Variants in PRKD1 observed in about 807,000 individuals in gnomAD.
PRKD1 encodes the protein serine/threonine-protein kinase D1.
In PRKD1, 63 loss-of-function variants were observed where a neutral mutation model predicts 95.9. The observed-to-expected ratio is 0.66, with a 90% CI of 0.54 to 0.81. The LOEUF is 0.81. Among genes scored for constraint, PRKD1 ranks in the 30% least tolerant of loss-of-function variants. The pLI, the probability that PRKD1 is intolerant of heterozygous loss-of-function variation, is 0.00. For missense variants in PRKD1, 1,048 were observed against 1,165.3 expected (o/e 0.90, Z 1.47); for synonymous variants, 425 against 423.1 (o/e 1.00, Z -0.05).
intron 1 of PRKD1, among the ~76,000 whole-genome samples, chr14:29,798,881 T>C (rs1223760256): frequency 1.3e-5 from 2 of 152,210 alleles, no homozygotes; most frequent in Admixed American, 1.3e-4. Context: ...TTCTTTTCTG[T>C]TAAATAATAA....
chr14:29,716,632 T>C (rs1315907714), intron 2 of PRKD1, among the ~76,000 whole-genome samples: 1 of 151,946 alleles, frequency 6.6e-6, no homozygotes, highest in Non-Finnish European at 1.5e-5. Flanking sequence ...AAAAAGACAA[T>C]GAATAAATTG....
At chr14:29,768,905 A>C (rs1464624020) in intron 1 of PRKD1, among the ~76,000 whole-genome samples, 1 of 152,074 alleles carries the variant, frequency 6.6e-6, no homozygotes, top group African/African-American at 2.4e-5. Context: ...GCTTCTCAGG[A>C]CTAGCATGAT....
At chr14:29,734,028 C>CCTTTT (rs1886588304) in intron 1 of PRKD1, among the ~76,000 whole-genome samples, 1 of 64,640 alleles carries the variant, frequency 1.5e-5, no homozygotes, top group African/African-American at 7.9e-5. Context: ...ACTTTCCTGC[C>CCTTTT]TTTTTTTTTT....
chr14:29,741,534 G>A (rs1013520606), intron 1 of PRKD1, among the ~76,000 whole-genome samples: 3 of 152,086 alleles, frequency 2.0e-5, no homozygotes, highest in Admixed American at 6.5e-5. Flanking sequence ...ATATATGTTC[G>A]TTGTTGTTAT....
intron 16 of PRKD1, among the ~76,000 whole-genome samples, chr14:29,578,862 A>G (rs1161883765): frequency 6.6e-6 from 1 of 152,162 alleles, no homozygotes; most frequent in Non-Finnish European, 1.5e-5. Flanking sequence ...GCATCATAAC[A>G]TGGGTCATAT....
At chr14:29,777,210 T>C (rs932291040) in intron 1 of PRKD1, among the ~76,000 whole-genome samples, 4 of 152,168 alleles carry the variant, frequency 2.6e-5, no homozygotes, top group Non-Finnish European at 4.4e-5. Context: ...GTAAAGATCA[T>C]CAATGCTAGG....
chr14:29,854,454 T>C (rs1036210105), intron 1 of PRKD1, among the ~76,000 whole-genome samples: 2 of 152,096 alleles, frequency 1.3e-5, no homozygotes, highest in African/African-American at 4.8e-5. Context: ...GGAAATGATA[T>C]AGGGTATCTA....
chr14:29,691,282 C>T (rs1037186388), intron 2 of PRKD1, among the ~76,000 whole-genome samples: 4 of 152,180 alleles, frequency 2.6e-5, no homozygotes, highest in African/African-American at 4.8e-5. Flanking sequence ...CTATACAGCC[C>T]ACTCGTGATT....
chr14:29,739,739 G>A (rs892591365), intron 1 of PRKD1, among the ~76,000 whole-genome samples: 1 of 152,266 alleles, frequency 6.6e-6, no homozygotes, highest in Middle Eastern at 3.4e-3. Flanking sequence ...TTGATGTTGT[G>A]TATCAAGTAT....
At chr14:29,803,942 AT>A (rs975005646) in intron 1 of PRKD1, among the ~76,000 whole-genome samples, 14 of 152,236 alleles carry the variant, frequency 9.2e-5, no homozygotes, top group African/African-American at 3.4e-4. Context: ...TCAACCACCC[AT>A]AAAAACAAAT....
chr14:29,748,856 T>A (rs1321117265), intron 1 of PRKD1, among the ~76,000 whole-genome samples: 1 of 152,194 alleles, frequency 6.6e-6, no homozygotes, highest in Non-Finnish European at 1.5e-5. Context: ...ACATTCTGAA[T>A]GAATGAGTAA....
chr14:29,779,471 C>CA (rs1429635784), intron 1 of PRKD1, among the ~76,000 whole-genome samples: 1 of 152,136 alleles, frequency 6.6e-6, no homozygotes, highest in East Asian at 1.9e-4. Flanking sequence ...GCAAAAATCA[C>CA]AAGCATTCCT....
At chr14:29,788,814 C>A (rs1889393188) in intron 1 of PRKD1, among the ~76,000 whole-genome samples, 2 of 152,038 alleles carry the variant, frequency 1.3e-5, no homozygotes, top group Non-Finnish European at 1.5e-5. Context: ...ATCATGACTT[C>A]TTTTCTTGAT....
At chr14:29,648,993 AT>A (rs568927576) in intron 4 of PRKD1, among the ~76,000 whole-genome samples, 1 of 151,908 alleles carries the variant, frequency 6.6e-6, no homozygotes, top group Non-Finnish European at 1.5e-5. Context: ...CACCTTTGAG[AT>A]TTTTTTTATA....
At chr14:29,594,609 T>C (rs1893238228) in intron 16 of PRKD1, among the ~76,000 whole-genome samples, 2 of 152,208 alleles carry the variant, frequency 1.3e-5, no homozygotes. Flanking sequence ...ACTACTTGAC[T>C]GTTGACATTT....
chr14:29,751,412 C>G (rs573567099), intron 1 of PRKD1, among the ~76,000 whole-genome samples: 155 of 152,216 alleles, frequency 1.0e-3, no homozygotes, highest in African/African-American at 3.5e-3. Context: ...ACATTAAGCT[C>G]TCTCACTGCC....
intron 1 of PRKD1, among the ~76,000 whole-genome samples, chr14:29,769,443 C>T (rs77695012): frequency 6.6e-6 from 1 of 152,236 alleles, no homozygotes; most frequent in East Asian, 1.9e-4. Flanking sequence ...ATAGCATACA[C>T]ATGTAGTTCA....
chr14:29,763,044 T>A (rs749333447), intron 1 of PRKD1, among the ~76,000 whole-genome samples: 75 of 145,718 alleles, frequency 5.1e-4, no homozygotes, highest in Non-Finnish European at 8.2e-4. Context: ...GCACCCAGCC[T>A]ATGCTAAGGT....
intron 10 of PRKD1, among the ~76,000 whole-genome samples, chr14:29,629,394 G>A (rs549017989): frequency 3.3e-5 from 5 of 152,232 alleles, no homozygotes; most frequent in South Asian, 4.1e-4. Context: ...ACTTAACCTC[G>A]CTCGAGAGAC....
Sources: gnomAD v4.1 joint callset for allele counts (sites outside exome capture counted in the v4.1 genomes callset) on GRCh38, gnomAD v4.1.1 for gene constraint, MANE v1.5 for transcripts, NCBI Gene and HGNC (gene_info 2026-07-23, HGNC 2026-07-21) for gene names.